Variants in TFCP2 observed in about 807,000 individuals in gnomAD.
TFCP2 encodes the protein alpha-globin transcription factor CP2.
A neutral mutation model predicts 73.4 loss-of-function variants in TFCP2; 33 were observed. That is an observed-to-expected ratio of 0.45 (90% CI 0.34 to 0.60). The LOEUF (loss-of-function observed/expected upper bound fraction) is 0.60, where lower values mean the gene tolerates loss of function less well. Among genes scored for constraint, TFCP2 ranks in the 20% least tolerant of loss-of-function variants. The probability of loss-of-function intolerance (pLI) is 0.01; values close to 1 mark genes in which losing one functional copy is unlikely to be tolerated. For synonymous variants in TFCP2, 193 were observed against 211.6 expected (o/e 0.91, Z 0.76); for missense variants, 352 against 604.0 (o/e 0.58, Z 4.37).
At chr12:51,122,478 C>T (rs540746422) in intron 1 of TFCP2, among the ~76,000 whole-genome samples, 7 of 151,966 alleles carry the variant, frequency 4.6e-5, no homozygotes, top group Admixed American at 2.0e-4. Context: ...ATGCTGGTCT[C>T]GAACTCCTGA....
At chr12:51,124,417 CT>C (rs1940751881) in intron 1 of TFCP2, among the ~76,000 whole-genome samples, 1 of 151,930 alleles carries the variant, frequency 6.6e-6, no homozygotes, top group African/African-American at 2.4e-5. Context: ...TTCTTTTCTT[CT>C]TCTTCTTTTT....
intron 1 of TFCP2, among the ~76,000 whole-genome samples, chr12:51,143,577 C>T (rs1038797767): frequency 1.3e-5 from 2 of 152,018 alleles, no homozygotes; most frequent in Non-Finnish European, 2.9e-5. Context: ...AGTTGCCTGA[C>T]ACTACCCTAA....
At chr12:51,118,899 C>G in intron 1 of TFCP2, 127 bp from the exon 2 acceptor site, 1 of 1,077,926 alleles carries the variant, frequency 9.3e-7, no homozygotes, top group Non-Finnish European at 1.3e-6. Flanking sequence ...AGTTTCATCC[C>G]AAGAATTCCA....
chr12:51,110,772 G>A (rs1465717344), intron 5 of TFCP2, 105 bp downstream of exon 5: 3 of 870,626 alleles, frequency 3.4e-6, no homozygotes, highest in Admixed American at 2.0e-5. Flanking sequence ...AGTCAGGCTA[G>A]AACCCTGTAA....
intron 8 of TFCP2, among the ~76,000 whole-genome samples, chr12:51,106,035 T>A (rs1356378122): frequency 1.3e-5 from 2 of 152,254 alleles, no homozygotes; most frequent in Non-Finnish European, 2.9e-5. Context: ...AACTTCATTT[T>A]AGCCATCATC....
chr12:51,102,479 A>G (rs182110022), intron 10 of TFCP2, among the ~76,000 whole-genome samples: 8 of 152,224 alleles, frequency 5.3e-5, no homozygotes, highest in African/African-American at 1.9e-4. Context: ...TAATCCCAGC[A>G]CTTTGGGATG....
At chr12:51,146,249 A>C (rs1941297846) in intron 1 of TFCP2, among the ~76,000 whole-genome samples, 1 of 151,798 alleles carries the variant, frequency 6.6e-6, no homozygotes, top group African/African-American at 2.4e-5. Context: ...TTGAGGCTGC[A>C]GTGAGTCAAG....
chr12:51,133,939 C>T (rs1265555577), intron 1 of TFCP2, among the ~76,000 whole-genome samples: 4 of 129,326 alleles, frequency 3.1e-5, no homozygotes, highest in South Asian at 2.5e-4. Flanking sequence ...AAAAAAAAAA[C>T]GAAAGAAAGA....
intron 13 of TFCP2, among the ~76,000 whole-genome samples, chr12:51,096,963 A>ATT (rs914464235): frequency 2.8e-5 from 4 of 145,328 alleles, no homozygotes; most frequent in African/African-American, 5.0e-5. Flanking sequence ...TTTTTTCTTA[A>ATT]TTTTTTTTTT....
chr12:51,140,707 C>A (rs1941173101), intron 1 of TFCP2, among the ~76,000 whole-genome samples: 1 of 151,788 alleles, frequency 6.6e-6, no homozygotes, highest in Non-Finnish European at 1.5e-5. Flanking sequence ...ATCCTCCTGC[C>A]ATAGCCTCCT....
At chr12:51,104,042 T>C (rs2136964773) in intron 9 of TFCP2, 113 bp downstream of exon 9, 1 of 1,092,652 alleles carries the variant, frequency 9.2e-7, no homozygotes. Context: ...TAAATGTTTG[T>C]TTAATGAATG....
At chr12:51,152,983 G>C (rs1050907967) in intron 1 of TFCP2, among the ~76,000 whole-genome samples, 3 of 152,182 alleles carry the variant, frequency 2.0e-5, no homozygotes, top group African/African-American at 7.2e-5. Context: ...ATCATTGGTG[G>C]TGATACTTTC....
chr12:51,149,024 C>CAAAAAAAA lies in TFCP2; in HGVS notation c.122+23269_122+23276dup, dbSNP rs60318954. On this transcript the variant is annotated intron_variant, in intron 1 of 14. Coordinates refer to ENST00000257915, the MANE Select transcript of TFCP2 (RefSeq NM_005653.5). ...TGAGCAACAGAGCAAGACTCCATCTCAAAAAAAAAAAAAAAAACAGAAAGA... is the reference window on the plus strand; with the variant it reads ...TGAGCAACAGAGCAAGACTCCATCTCAAAAAAAAAAAAAAAAAAAAAAAAACAGAAAGA... Among the ~76,000 whole-genome samples, 29 of 38,008 alleles carry CAAAAAAAA rather than the reference C, an allele frequency of 7.6e-4. 4 individuals carry two copies. Among genetic ancestry groups the CAAAAAAAA allele is most frequent in the East Asian group, 1.6e-3 (2 of 1,240 alleles). The allele number at this position is 38,008 out of a possible 152,430, so 24.9% of individuals were successfully genotyped here.
intron 1 of TFCP2, among the ~76,000 whole-genome samples, chr12:51,163,187 C>G (rs1465881397): frequency 6.6e-6 from 1 of 152,166 alleles, no homozygotes; most frequent in East Asian, 1.9e-4. Flanking sequence ...ATGGTCCCAG[C>G]TACTTGGGAG....
rs770761052 is a variant in TFCP2 at position 51,172,383 on chromosome 12, T to A, written c.40A>T (p.Ile14Phe). Reference protein sequence around the residue: ...ALKLPLADEVIESGLVQDFDA... With the variant: ...ALKLPLADEVFESGLVQDFDA... ...AAGTCCTGCACCAACCCGGATTCAA[T>A]CACTTCGTCGGCCAGAGGCAGCTTC... The change falls in exon 1 of 15, where the codon ATT becomes TTT. Residue 14 changes from isoleucine to phenylalanine, a missense_variant. Ile to Phe is a conservative substitution (Grantham distance 21). Coordinates refer to ENST00000257915, the MANE Select transcript of TFCP2 (RefSeq NM_005653.5). 6.2e-7 allele frequency: 1 copy of A among 1,614,114 alleles called. No homozygotes were observed.
intron 1 of TFCP2, among the ~76,000 whole-genome samples, chr12:51,160,287 C>G (rs567328368): frequency 6.6e-6 from 1 of 152,066 alleles, no homozygotes; most frequent in Non-Finnish European, 1.5e-5. Context: ...AGGTGCCCAC[C>G]ACCATGCCCA....
intron 1 of TFCP2, among the ~76,000 whole-genome samples, chr12:51,119,699 G>A (rs540206833): frequency 5.3e-5 from 8 of 151,510 alleles, no homozygotes; most frequent in East Asian, 1.9e-4. Context: ...GTAGTGAGCC[G>A]AGATGGTGCC....
intron 1 of TFCP2, among the ~76,000 whole-genome samples, chr12:51,145,723 G>A (rs910764262): frequency 1.3e-5 from 2 of 151,880 alleles, no homozygotes; most frequent in Non-Finnish European, 2.9e-5. Flanking sequence ...GTCAAGGTGG[G>A]AGAACTGCCT....
intron 1 of TFCP2, 22 bp from the exon 2 acceptor site, chr12:51,118,794 A>G (rs751233041): frequency 1.2e-6 from 2 of 1,612,470 alleles, no homozygotes; most frequent in Admixed American, 1.7e-5. Flanking sequence ...CAAATGACTC[A>G]CATTAATACC....
Sources: allele counts gnomAD v4.1 joint callset (sites outside exome capture counted in the v4.1 genomes callset), GRCh38; gene constraint gnomAD v4.1.1; transcripts MANE v1.5; gene names NCBI Gene and HGNC (gene_info 2026-07-23, HGNC 2026-07-21).